Variants in TBC1D32 observed in about 807,000 individuals in gnomAD.
TBC1D32 encodes TBC1 domain family member 32.
A neutral mutation model predicts 170.3 loss-of-function variants in TBC1D32; 151 were observed. That is an observed-to-expected ratio of 0.89 (90% CI 0.78 to 1.01). The LOEUF (loss-of-function observed/expected upper bound fraction) is 1.01. TBC1D32 is among the 50% of genes least tolerant of loss of function. The pLI is 0.00. For missense variants in TBC1D32, 1,464 were observed against 1,457.1 expected (o/e 1.00, Z -0.08); for synonymous variants, 498 against 488.0 (o/e 1.02, Z -0.27).
chr6:121,298,508 G>A (rs1171546276), intron 10 of TBC1D32, among the ~76,000 whole-genome samples: 2 of 152,014 alleles, frequency 1.3e-5, no homozygotes, highest in Non-Finnish European at 2.9e-5. Context: ...AGCAAGATCA[G>A]TCTATGCTCA....
At chr6:121,091,186 A>G in intron 30 of TBC1D32, 145 bp from the exon 31 acceptor site, 1 of 697,646 alleles carries the variant, frequency 1.4e-6, no homozygotes, top group Non-Finnish European at 2.3e-6. Context: ...ATAGATGCCT[A>G]AAAAGGATGC....
At chr6:121,108,505 A>G (rs1454354212) in intron 29 of TBC1D32, among the ~76,000 whole-genome samples, 2 of 152,076 alleles carry the variant, frequency 1.3e-5, no homozygotes, top group East Asian at 3.9e-4. Context: ...TCTAATATAT[A>G]AACTACGCTA....
chr6:121,101,068 C>T (rs943609610), intron 30 of TBC1D32, among the ~76,000 whole-genome samples: 7 of 152,152 alleles, frequency 4.6e-5, no homozygotes, highest in South Asian at 2.1e-4. Flanking sequence ...CGACCAATAA[C>T]GGGCTCTGAA....
At chr6:121,200,835 C>T (rs567584311) in intron 22 of TBC1D32, among the ~76,000 whole-genome samples, 1 of 151,418 alleles carries the variant, frequency 6.6e-6, no homozygotes, top group South Asian at 2.1e-4. Flanking sequence ...ACATAAAAAA[C>T]AAGTACAGAA....
At position 121,242,288 on chromosome 6, in the gene TBC1D32, G is replaced by T. The variant is rs114838725; in HGVS notation, c.2070C>A (p.Thr690=). ...LLDDLLHFAA[T]PKGLLLLQRT... is the part of the protein sequence containing the mutation. Reference sequence around the variant, plus strand: ...TTTGAAGAAGTAGTAATCCTTTGGGGGTGGCAGCAAAATGTAGTAAATCAT... The same window carrying T: ...TTTGAAGAAGTAGTAATCCTTTGGGTGTGGCAGCAAAATGTAGTAAATCAT... Residue 690 remains threonine, a synonymous_variant, in exon 18 of 32, where the codon ACC becomes ACA. Coordinates refer to ENST00000398212, the MANE Select transcript of TBC1D32 (RefSeq NM_152730.6). 4.8e-4 allele frequency: 767 copies of T among 1,612,496 alleles called. 5 individuals carry two copies. The African/African-American group carries it at 9.1e-3, about 19-fold the overall frequency.
intron 19 of TBC1D32, 34 bp downstream of exon 19, chr6:121,241,426 TTAAAA>T (rs1796972721): frequency 6.5e-7 from 1 of 1,539,900 alleles, no homozygotes; most frequent in African/African-American, 1.4e-5. Context: ...CATTTTATCT[TTAAAA>T]TAATTATAAT....
intron 30 of TBC1D32, among the ~76,000 whole-genome samples, chr6:121,105,387 T>C (rs1778578155): frequency 6.6e-6 from 1 of 151,998 alleles, no homozygotes; most frequent in South Asian, 2.1e-4. Flanking sequence ...GAAGTATCTC[T>C]GCTCTCTCAG....
chr6:121,265,216 T>C (rs1437693444), intron 15 of TBC1D32, among the ~76,000 whole-genome samples: 3 of 152,240 alleles, frequency 2.0e-5, no homozygotes, highest in African/African-American at 7.2e-5. Flanking sequence ...TTTAGCAAAG[T>C]CCCAGTATAT....
intron 27 of TBC1D32, among the ~76,000 whole-genome samples, chr6:121,114,200 C>T (rs1024243592): frequency 6.6e-6 from 1 of 151,996 alleles, no homozygotes; most frequent in Non-Finnish European, 1.5e-5. Context: ...TCTCTTTGCT[C>T]GTGGCCACAC....
rs375775321 is a variant in TBC1D32 at position 121,198,619 on chromosome 6, C to T, written c.2570+6456G>A. Among the ~76,000 whole-genome samples the T allele has an allele frequency of 3.3e-5, 5 of 150,802 alleles. No individual in the cohort carries two copies. The East Asian group carries it at 9.7e-4, about 29-fold the overall frequency. On this transcript the variant is annotated intron_variant, in intron 22 of 31. Transcript: ENST00000398212. ...ACAAAAAATTAGCCAGGCATGGTGG[C>T]AGGCGCCTGTAGTCCCAGCTACTCG...
chr6:121,242,297 A>G lies in TBC1D32; in HGVS notation c.2061T>C (p.Phe687=), dbSNP rs369149231. The change falls in exon 18 of 32, where the codon TTT becomes TTC. Residue 687 remains phenylalanine (F), a synonymous_variant. Coordinates refer to ENST00000398212, the MANE Select transcript of TBC1D32 (RefSeq NM_152730.6). ...EDNLLDDLLH[F]AATPKGLLLL... The stretch of plus-strand genomic sequence containing the variant: ...GTAGTAATCCTTTGGGGGTGGCAGC[A>G]AAATGTAGTAAATCATCTAACAAAT... 4.8e-5 allele frequency: 78 copies of G among 1,612,924 alleles called. No homozygotes were observed. The East Asian group carries it at 6.5e-4, about 13-fold the overall frequency.
intron 10 of TBC1D32, among the ~76,000 whole-genome samples, chr6:121,299,001 G>T (rs961901258): frequency 6.6e-6 from 1 of 152,010 alleles, no homozygotes; most frequent in Non-Finnish European, 1.5e-5. Context: ...ATATTTTAGA[G>T]TATTAAGTCT....
chr6:121,237,357 A>C (rs1043518126), intron 20 of TBC1D32, among the ~76,000 whole-genome samples: 2 of 151,902 alleles, frequency 1.3e-5, no homozygotes, highest in African/African-American at 2.4e-5. Flanking sequence ...GATGAGCCTT[A>C]GTGTAGTTTC....
intron 13 of TBC1D32, among the ~76,000 whole-genome samples, chr6:121,282,402 TACA>T (rs898928455): frequency 1.8e-4 from 28 of 151,880 alleles, no homozygotes; most frequent in Admixed American, 8.5e-4. Flanking sequence ...CCTAGTAAGA[TACA>T]ACACTTTAGT....
At chr6:121,212,854 C>G (rs1279907802) in intron 21 of TBC1D32, among the ~76,000 whole-genome samples, 2 of 152,140 alleles carry the variant, frequency 1.3e-5, no homozygotes, top group Non-Finnish European at 2.9e-5. Context: ...AATCCACCAC[C>G]ATCAGGTAGG....
chr6:121,216,538 A>G (rs1197929517), intron 21 of TBC1D32, among the ~76,000 whole-genome samples: 3 of 152,166 alleles, frequency 2.0e-5, no homozygotes, highest in African/African-American at 7.2e-5. Flanking sequence ...TATTTCTAAA[A>G]GTATGGAGAA....
intron 21 of TBC1D32, among the ~76,000 whole-genome samples, chr6:121,216,045 A>T (rs1164172751): frequency 6.6e-6 from 1 of 152,228 alleles, no homozygotes; most frequent in Non-Finnish European, 1.5e-5. Context: ...GAATTGAAGG[A>T]TGCGAAGTAT....
At position 121,262,545 on chromosome 6, in the gene TBC1D32, C is replaced by T. The variant is rs563520204; in HGVS notation, c.1734-6260G>A. 2.8e-3 allele frequency among the ~76,000 whole-genome samples: 427 copies of T among 151,168 alleles called. 2 individuals carry two copies. The highest frequency in any genetic ancestry group is 5.3e-3 in the Admixed American group (81 of 15,164). ...AGGCTGGAATGCAGTGGCATGATCT[C>T]GACCCACTGCAACCTCCTCCTCCCA... On this transcript the variant is annotated intron_variant, in intron 15 of 31. Coordinates refer to ENST00000398212, the MANE Select transcript of TBC1D32 (RefSeq NM_152730.6).
intron 22 of TBC1D32, among the ~76,000 whole-genome samples, chr6:121,186,829 TG>T (rs1789267277): frequency 6.6e-6 from 1 of 152,018 alleles, no homozygotes; most frequent in Non-Finnish European, 1.5e-5. Flanking sequence ...ATTTTTGTTG[TG>T]GAAGGAAAAT....
Sources: allele counts gnomAD v4.1 joint callset (sites outside exome capture counted in the v4.1 genomes callset), GRCh38; gene constraint gnomAD v4.1.1; transcripts MANE v1.5; gene names NCBI Gene and HGNC (gene_info 2026-07-23, HGNC 2026-07-21).